Variants in CASP10 observed in about 807,000 individuals in gnomAD.
The protein encoded by CASP10 is caspase 10.
Under a neutral mutation model 48.5 loss-of-function variants are expected in CASP10, and 41 were observed. That is an observed-to-expected ratio of 0.85 (90% CI 0.66 to 1.10). The LOEUF (loss-of-function observed/expected upper bound fraction) is 1.10. Ranked by LOEUF, CASP10 falls within the 50% of genes least tolerant of loss-of-function variation. The probability of loss-of-function intolerance (pLI) is 0.00; values close to 1 mark genes in which losing one functional copy is unlikely to be tolerated. For missense variants in CASP10, 614 were observed against 614.5 expected (o/e 1.00, Z 0.01); for synonymous variants, 232 against 238.4 (o/e 0.97, Z 0.25).
rs762663648 is a variant in CASP10 at position 201,187,745 on chromosome 2, G to C, written c.387G>C (p.Glu129Asp). Residue 129 changes from glutamate (E) to aspartate (D), a missense_variant, in exon 3 of 10, where the codon GAG becomes GAC. Transcript: ENST00000286186. ...AACTGTCAGAAGGCATTGACTCAGAGAACTTAAAGGACATGATCTTCCTTC... is the reference window on the plus strand; with the variant it reads ...AACTGTCAGAAGGCATTGACTCAGACAACTTAAAGGACATGATCTTCCTTC... ...LYELSEGIDSENLKDMIFLLK... is the reference protein window; with the variant it reads ...LYELSEGIDSDNLKDMIFLLK... 6.2e-7 allele frequency: 1 copy of C among 1,614,078 alleles called. No individual in the cohort carries two copies. Among genetic ancestry groups the C allele is most frequent in the East Asian group, 2.2e-5 (1 of 44,878 alleles).
At position 201,217,664 on chromosome 2, in the gene CASP10, A is replaced by G; in HGVS notation, c.1492A>G (p.Lys498Glu). 1 of 1,614,208 alleles carries G rather than the reference A, an allele frequency of 6.2e-7. No individual in the cohort carries two copies. Among genetic ancestry groups the G allele is most frequent in the South Asian group, 1.1e-5 (1 of 91,088 alleles). ...AAGAGTGGACAAACAGGGAACAAAGAAACAGATGCCCCAGCCTGCTTTCAC... is the reference window on the plus strand; with the variant it reads ...AAGAGTGGACAAACAGGGAACAAAGGAACAGATGCCCCAGCCTGCTTTCAC... ...SRRVDKQGTK[K>E]QMPQPAFTLR... The change falls in exon 10 of 10, where the codon AAA becomes GAA. Residue 498 changes from lysine (K) to glutamate (E), a missense_variant. By Grantham distance (56) the Lys-to-Glu change is moderately conservative. Coordinates refer to ENST00000286186, the MANE Select transcript of CASP10 (RefSeq NM_032977.4).
At chr2:201,206,019 T>G in intron 7 of CASP10, 46 bp downstream of exon 7, 15 of 1,288,008 alleles carry the variant, frequency 1.2e-5, no homozygotes, top group Non-Finnish European at 1.7e-5. Flanking sequence ...AAAATTTTTT[T>G]TCCAAATTTA....
At chr2:201,221,693 C>T (rs1039282263), downstream of CASP10, 6 of 152,094 alleles carry the variant, frequency 3.9e-5, no homozygotes, top group South Asian at 2.1e-4. Flanking sequence ...TTCACAAGGA[C>T]GCGAGTGAAA....
At chr2:201,200,975 T>C (rs1166576827) in intron 5 of CASP10, among the ~76,000 whole-genome samples, 1 of 152,176 alleles carries the variant, frequency 6.6e-6, no homozygotes, top group African/African-American at 2.4e-5. Flanking sequence ...GCCAACTCCC[T>C]GGCCATGGGC....
intron 9 of CASP10, chr2:201,214,651 T>C (rs1384590224): frequency 6.6e-6 from 1 of 152,176 alleles, no homozygotes; most frequent in Admixed American, 6.5e-5. Flanking sequence ...GGAATAGTTA[T>C]TTTTAGCATT....
At chr2:201,228,236 G>A (rs962473888) in intron 9 of CASP10, among the ~76,000 whole-genome samples, 11 of 152,154 alleles carry the variant, frequency 7.2e-5, no homozygotes, top group Non-Finnish European at 1.5e-4. Context: ...CTCAGTGGCC[G>A]AGGCACAAGA....
Position 201,186,140 on chromosome 2 carries a change from T to C in CASP10, c.347+16T>C. On this transcript the variant is annotated intron_variant, in intron 2 of 9. Coordinates refer to ENST00000286186, the MANE Select transcript of CASP10 (RefSeq NM_032977.4). ...CTCTGTTTAGGTGAGGACGGGTCTG[T>C]GGTGGAGATGGGAGGATCTCCCATC... The C allele has an allele frequency of 1.3e-6, 2 of 1,576,472 alleles. No homozygotes were observed. The highest frequency in any genetic ancestry group is 1.7e-6 in the Non-Finnish European group (2 of 1,148,114).
intron 9 of CASP10, among the ~76,000 whole-genome samples, chr2:201,216,773 C>T (rs1298870765): frequency 6.6e-6 from 1 of 152,080 alleles, no homozygotes; most frequent in Non-Finnish European, 1.5e-5. Context: ...AGTGAGTAAC[C>T]AGCCTAAGAG....
In CASP10 at chr2:201,218,694, C is replaced by T. The variant is rs1945647171; in HGVS notation, c.*953C>T. On this transcript the variant is annotated 3_prime_UTR_variant, in exon 10 of 10. Coordinates refer to ENST00000286186, the MANE Select transcript of CASP10 (RefSeq NM_032977.4). ...AGATTGCCTCTCTAGACAACTACCC[C>T]TTAGTTATAATTCTGTGTCCCCTCT... is the stretch of plus-strand genomic sequence containing the variant. 4 of 985,402 alleles carry T rather than the reference C, an allele frequency of 4.1e-6. No homozygotes were observed. The highest frequency in any genetic ancestry group is 4.8e-6 in the Non-Finnish European group (4 of 829,946). The allele number at this position is 985,402 out of a possible 1,614,324, so 61.0% of individuals were successfully genotyped here. A position where few individuals can be genotyped will look rare whatever the true frequency, so the allele number is the denominator to read the frequency against.
intron 6 of CASP10, among the ~76,000 whole-genome samples, chr2:201,205,646 A>G (rs1010601102): frequency 1.3e-5 from 2 of 152,084 alleles, no homozygotes; most frequent in Non-Finnish European, 2.9e-5. Flanking sequence ...GATCCATGGG[A>G]TCTTAATTAA....
intron 5 of CASP10, among the ~76,000 whole-genome samples, chr2:201,199,864 A>G (rs1944951567): frequency 6.6e-6 from 1 of 152,076 alleles, no homozygotes; most frequent in Non-Finnish European, 1.5e-5. Context: ...GTGAGCCACC[A>G]TGCTTGGCAT....
At chr2:201,229,160 A>C in exon 10 of CASP10, 1 of 1,585,210 alleles carries the variant, frequency 6.3e-7, no homozygotes, top group South Asian at 1.1e-5. Flanking sequence ...GCAAGACGGA[A>C]ACCTCCCTTT....
In CASP10 at chr2:201,217,610, C is replaced by T. The variant is rs1945612895; in HGVS notation, c.1438C>T (p.Leu480Phe). The change falls in exon 10 of 10, where the codon CTC (leucine) becomes TTC (phenylalanine). Residue 480 changes from leucine to phenylalanine, a missense_variant. By Grantham distance (22) the Leu-to-Phe change is conservative (BLOSUM62 0). Transcript: ENST00000286186. ...VPRHEDILSI[L>F]TAVNDDVSRR... is the part of the protein sequence containing the mutation. ...CAGACATGAAGACATCTTATCCATC[C>T]TCACTGCTGTCAACGATGATGTGAG... 2.5e-6 allele frequency: 4 copies of T among 1,613,938 alleles called. No homozygotes were observed. Among genetic ancestry groups the T allele is most frequent in the Non-Finnish European group, 3.4e-6 (4 of 1,179,794 alleles).
chr2:201,209,315 G>A lies in CASP10; in HGVS notation c.1168G>A (p.Ala390Thr). Residue 390 changes from alanine to threonine, a missense_variant, in exon 9 of 10, where the codon GCT (alanine) becomes ACT (threonine). Ala to Thr is a moderately conservative substitution (Grantham distance 58, BLOSUM62 0). Coordinates refer to ENST00000286186, the MANE Select transcript of CASP10 (RefSeq NM_032977.4). ...HFTALQCPRL[A>T]EKPKLFFIQA... ...CACAGCCCTGCAGTGCCCTAGACTG[G>A]CTGAAAAACCTAAACTCTTTTTCAT... 1 of 1,614,118 alleles carries A rather than the reference G, an allele frequency of 6.2e-7. No individual in the cohort carries two copies. Among genetic ancestry groups the A allele is most frequent in the East Asian group, 2.2e-5 (1 of 44,864 alleles).
intron 7 of CASP10, among the ~76,000 whole-genome samples, chr2:201,206,498 GAAT>G (rs1431911397): frequency 6.8e-6 from 1 of 147,548 alleles, no homozygotes; most frequent in African/African-American, 2.5e-5. Flanking sequence ...ATATACATAT[GAAT>G]ATATATCAGC....
intron 6 of CASP10, 143 bp downstream of exon 6, chr2:201,203,909 C>T: frequency 1.3e-6 from 1 of 745,962 alleles, no homozygotes; most frequent in Non-Finnish European, 2.3e-6. Flanking sequence ...CAATTCAAGG[C>T]AAGACATTGA....
intron 3 of CASP10, among the ~76,000 whole-genome samples, chr2:201,188,779 T>C (rs572309466): frequency 3.3e-5 from 5 of 152,282 alleles, no homozygotes; most frequent in African/African-American, 9.6e-5. Flanking sequence ...GGTACCTGAT[T>C]TTCTCTCTCT....
At chr2:201,206,440 A>G (rs565253022) in intron 7 of CASP10, among the ~76,000 whole-genome samples, 1 of 150,120 alleles carries the variant, frequency 6.7e-6, no homozygotes, top group East Asian at 1.9e-4. Context: ...TCCTACTGTG[A>G]ATATATATAT....
At chr2:201,217,377 G>A (rs1945603516) in intron 9 of CASP10, among the ~76,000 whole-genome samples, 2 of 152,048 alleles carry the variant, frequency 1.3e-5, no homozygotes, top group Non-Finnish European at 2.9e-5. Context: ...ACCAGCCTGG[G>A]CAAGCAATAT....
Sources: gnomAD v4.1 joint callset for allele counts (sites outside exome capture counted in the v4.1 genomes callset) on GRCh38, gnomAD v4.1.1 for gene constraint, MANE v1.5 for transcripts, NCBI Gene and HGNC (gene_info 2026-07-23, HGNC 2026-07-21) for gene names.